ZNF609: variants seen among roughly 807,000 people sequenced by gnomAD.
ZNF609 encodes zinc finger protein 609.
Under a neutral mutation model 109.5 loss-of-function variants are expected in ZNF609, and 11 were observed. The ratio of observed to expected loss-of-function variants is 0.10; its 90% CI spans 0.06 to 0.17. ZNF609 has a LOEUF of 0.17. Ranked by LOEUF, ZNF609 falls within the 10% of genes least tolerant of loss-of-function variation. ZNF609 has a pLI of 1.00. For synonymous variants in ZNF609, 646 were observed against 662.0 expected, an observed-to-expected ratio of 0.98 and a Z score of 0.37; for missense variants, 1,559 against 1,772.4, an observed-to-expected ratio of 0.88 and a Z score of 2.16.
intron 2 of ZNF609, among the ~76,000 whole-genome samples, chr15:64,525,630 A>C (rs1037059514): frequency 7.9e-5 from 12 of 152,042 alleles, no homozygotes; most frequent in African/African-American, 2.9e-4. Context: ...TTTGATGGAG[A>C]TTGTATTGAA....
At chr15:64,659,074 C>CT (rs1455691006) in intron 3 of ZNF609, among the ~76,000 whole-genome samples, 1 of 152,132 alleles carries the variant, frequency 6.6e-6, no homozygotes, top group Admixed American at 6.5e-5. Context: ...TTTCGTTTCT[C>CT]TCTCTAGGAG....
chr15:64,556,257 A>G (rs1894584678), intron 2 of ZNF609, among the ~76,000 whole-genome samples: 1 of 151,872 alleles, frequency 6.6e-6, no homozygotes, highest in African/African-American at 2.4e-5. Flanking sequence ...TGGTCTCCCA[A>G]AGTGCTGGGA....
chr15:64,595,630 G>A (rs1488803003), intron 2 of ZNF609, among the ~76,000 whole-genome samples: 3 of 152,058 alleles, frequency 2.0e-5, no homozygotes, highest in Admixed American at 6.6e-5. Flanking sequence ...ATATCCTTAG[G>A]GGTCATAACA....
chr15:64,674,475 C>G lies in ZNF609; in HGVS notation c.1621C>G (p.Leu541Val), dbSNP rs1051168901. Residue 541 changes from leucine to valine, a missense_variant, in exon 5 of 10, where the codon CTC (leucine) becomes GTC (valine). This residue lies in a region of ZNF609 where 1,204 missense variants were observed against 1,314.1 expected (regional missense o/e 0.92). Coordinates refer to ENST00000326648, the MANE Select transcript of ZNF609 (RefSeq NM_015042.2). ...CAGTGAGTACGGAGAGGAACCTATT[C>G]TCCATGCAGATCTTGGGAGCTGCAA... ...GDSEYGEEPILHADLGSCNGA... is the reference protein window; with the variant it reads ...GDSEYGEEPIVHADLGSCNGA... The G allele has an allele frequency of 3.7e-6, 6 of 1,614,090 alleles. No individual in the cohort carries two copies. The African/African-American group carries it at 6.7e-5, about 18-fold the overall frequency.
At chr15:64,677,390 A>G (rs574796144) in intron 5 of ZNF609, among the ~76,000 whole-genome samples, 1 of 152,196 alleles carries the variant, frequency 6.6e-6, no homozygotes, top group Non-Finnish European at 1.5e-5. Flanking sequence ...TGTTTTTTCC[A>G]TTTGACAGGA....
At position 64,508,831 on chromosome 15, in the gene ZNF609, A is replaced by T. The variant is rs117928253; in HGVS notation, c.747+8665A>T. ...ACTTCCTACCTCCCCAGTAGCTGGG[A>T]CTACAGGTGTGTGCCATCACGCCCA... is the stretch of plus-strand genomic sequence containing the variant. On this transcript the variant is annotated intron_variant, in intron 2 of 9. Transcript: ENST00000326648. Among the ~76,000 whole-genome samples, 1,252 of 151,236 alleles carry T rather than the reference A, an allele frequency of 8.3e-3. 10 individuals carry two copies. The highest frequency in any genetic ancestry group is 0.012 in the Non-Finnish European group (783 of 67,832).
At chr15:64,555,886 C>CAAAAAA (rs963732035) in intron 2 of ZNF609, among the ~76,000 whole-genome samples, 7 of 38,918 alleles carry the variant, frequency 1.8e-4, no homozygotes, top group South Asian at 8.6e-4. Context: ...GACTCTGTCT[C>CAAAAAA]AAAAAAAAAA....
At chr15:64,669,327 A>G (rs955342545) in intron 3 of ZNF609, among the ~76,000 whole-genome samples, 3 of 152,246 alleles carry the variant, frequency 2.0e-5, no homozygotes, top group African/African-American at 7.2e-5. Context: ...TGTCCGTTCA[A>G]ATGCTGCCAT....
At chr15:64,559,631 G>A (rs1288561246) in intron 2 of ZNF609, among the ~76,000 whole-genome samples, 4 of 152,112 alleles carry the variant, frequency 2.6e-5, no homozygotes, top group Admixed American at 2.0e-4. Flanking sequence ...CAGGAAAGAT[G>A]GGCATATAAT....
At chr15:64,649,775 G>A (rs1158418112) in intron 3 of ZNF609, among the ~76,000 whole-genome samples, 1 of 152,152 alleles carries the variant, frequency 6.6e-6, no homozygotes, top group African/African-American at 2.4e-5. Flanking sequence ...ATTCAAAAGA[G>A]ATTAAAAGGA....
In ZNF609 at chr15:64,678,949, T is replaced by A. The variant is rs1255008213; in HGVS notation, c.3769+467T>A. 3.3e-5 allele frequency among the ~76,000 whole-genome samples: 5 copies of A among 152,330 alleles called. No homozygotes were observed. In the East Asian group the frequency reaches 5.8e-4, roughly 18 times the overall value. On this transcript the variant is annotated intron_variant, in intron 6 of 9. Coordinates refer to ENST00000326648, the MANE Select transcript of ZNF609 (RefSeq NM_015042.2). ...ATAAAATGCAAACCATAACAATGCA[T>A]GGATTCAGTTGCCAGATCATGTTCA... is the stretch of plus-strand genomic sequence containing the variant.
intron 2 of ZNF609, among the ~76,000 whole-genome samples, chr15:64,568,644 G>C (rs1030178261): frequency 5.3e-5 from 8 of 152,190 alleles, no homozygotes; most frequent in African/African-American, 1.7e-4. Context: ...TTCAGTGTTT[G>C]GATAGGTGCT....
At chr15:64,589,065 C>T (rs528318561) in intron 2 of ZNF609, among the ~76,000 whole-genome samples, 2 of 152,238 alleles carry the variant, frequency 1.3e-5, no homozygotes, top group Admixed American at 1.3e-4. Context: ...CTGGGTTGCT[C>T]AAATGAACAC....
At position 64,624,665 on chromosome 15, in the gene ZNF609, A is replaced by AT. The variant is rs922858978; in HGVS notation, c.973+1622dup. 1.4e-4 allele frequency among the ~76,000 whole-genome samples: 21 copies of AT among 150,230 alleles called. No individual in the cohort carries two copies. In the South Asian group the frequency reaches 1.9e-3, roughly 14 times the overall value. ...CCTGCCAGGGCAAAATTAACACATA[A>AT]TTTTTTTTTATTTTTTGTAAATCGT... On this transcript the variant is annotated intron_variant, in intron 3 of 9. Transcript: ENST00000326648.
At chr15:64,482,216 G>T (rs1186036356) in intron 1 of ZNF609, among the ~76,000 whole-genome samples, 1 of 152,192 alleles carries the variant, frequency 6.6e-6, no homozygotes, top group Non-Finnish European at 1.5e-5. Flanking sequence ...TTTCCAACCA[G>T]ATTAAAGTTT....
chr15:64,500,492 G>T, intron 2 of ZNF609: 1 of 626,976 alleles, frequency 1.6e-6, no homozygotes, highest in South Asian at 1.9e-5. Context: ...GGTAGAGATT[G>T]GCATCAGACC....
intron 2 of ZNF609, among the ~76,000 whole-genome samples, chr15:64,595,921 T>A (rs1275106243): frequency 1.3e-5 from 2 of 152,138 alleles, no homozygotes; most frequent in Non-Finnish European, 2.9e-5. Context: ...CCATCATAGC[T>A]CTTATTTTTC....
At chr15:64,614,140 C>T (rs534245999) in intron 2 of ZNF609, among the ~76,000 whole-genome samples, 38 of 151,678 alleles carry the variant, frequency 2.5e-4, no homozygotes, top group Admixed American at 4.6e-4. Context: ...GGGCTACTCT[C>T]GAACTCCTGG....
intron 2 of ZNF609, among the ~76,000 whole-genome samples, chr15:64,588,061 G>T (rs1026921411): frequency 5.3e-5 from 8 of 151,744 alleles, no homozygotes; most frequent in Non-Finnish European, 1.0e-4. Context: ...CTTAAGCCCG[G>T]GAAGTTGAGA....
Sources: allele counts gnomAD v4.1 joint callset (sites outside exome capture counted in the v4.1 genomes callset), GRCh38; gene constraint gnomAD v4.1.1; regional missense constraint gnomAD v4.1.1; transcripts MANE v1.5; gene names NCBI Gene and HGNC (gene_info 2026-07-23, HGNC 2026-07-21).